Variants in FER observed in about 807,000 individuals in gnomAD.
FER encodes tyrosine-protein kinase Fer.
FER carries 63 observed loss-of-function variants against 111.0 expected under a neutral mutation model. The ratio of observed to expected loss-of-function variants is 0.57; its 90% CI spans 0.46 to 0.70. The LOEUF is 0.70. Ranked by LOEUF, FER falls within the 30% of genes least tolerant of loss-of-function variation. FER has a pLI of 0.00. For synonymous variants in FER, 327 were observed against 313.9 expected (o/e 1.04, Z -0.44); for missense variants, 914 against 954.0 (o/e 0.96, Z 0.55).
chr5:108,979,196 A>C (rs1026343389), intron 13 of FER, among the ~76,000 whole-genome samples: 1 of 152,160 alleles, frequency 6.6e-6, no homozygotes, highest in Admixed American at 6.5e-5. Flanking sequence ...TTTCCTGTAA[A>C]GTTCTTCCTG....
intron 9 of FER, among the ~76,000 whole-genome samples, chr5:108,895,390 T>A (rs1748923179): frequency 6.6e-6 from 1 of 152,150 alleles, no homozygotes; most frequent in Non-Finnish European, 1.5e-5. Context: ...GTTCTGGAGG[T>A]CACAAGTCAG....
intron 16 of FER, among the ~76,000 whole-genome samples, chr5:109,086,625 C>A (rs1027480677): frequency 6.6e-6 from 1 of 151,382 alleles, no homozygotes; most frequent in Admixed American, 6.6e-5. Flanking sequence ...AATTTTCATT[C>A]CTATCCTTTT....
At chr5:108,754,895 A>G (rs979450728) in intron 1 of FER, among the ~76,000 whole-genome samples, 1 of 152,240 alleles carries the variant, frequency 6.6e-6, no homozygotes, top group Non-Finnish European at 1.5e-5. Context: ...AATAGAGCTT[A>G]ATTTTAAATC....
intron 16 of FER, among the ~76,000 whole-genome samples, chr5:109,063,994 A>T (rs765962103): frequency 2.0e-5 from 3 of 152,176 alleles, no homozygotes; most frequent in Non-Finnish European, 4.4e-5. Flanking sequence ...GTCATTTTAC[A>T]TCATGCGTAA....
intron 10 of FER, among the ~76,000 whole-genome samples, chr5:108,944,360 C>T (rs1756692998): frequency 1.3e-5 from 2 of 151,822 alleles, no homozygotes; most frequent in Non-Finnish European, 2.9e-5. Context: ...CCCCTACTAC[C>T]TCCATTGTGA....
intron 16 of FER, among the ~76,000 whole-genome samples, chr5:109,070,929 A>G (rs911880937): frequency 6.6e-6 from 1 of 152,000 alleles, no homozygotes; most frequent in Admixed American, 6.6e-5. Context: ...TAAATGATTC[A>G]TCTATCTTTC....
chr5:108,993,154 T>G (rs1763481559), intron 13 of FER, among the ~76,000 whole-genome samples: 2 of 152,114 alleles, frequency 1.3e-5, no homozygotes, highest in African/African-American at 2.4e-5. Context: ...GGGCAGAGGC[T>G]GCAATCTCAG....
At chr5:109,090,348 G>A (rs557264489) in intron 16 of FER, among the ~76,000 whole-genome samples, 2 of 152,286 alleles carry the variant, frequency 1.3e-5, no homozygotes, top group East Asian at 1.9e-4. Flanking sequence ...ACTAAATGGT[G>A]TATATATTCC....
At chr5:109,110,369 G>A (rs924691039) in intron 17 of FER, among the ~76,000 whole-genome samples, 2 of 152,154 alleles carry the variant, frequency 1.3e-5, no homozygotes, top group African/African-American at 4.8e-5. Context: ...ACCCAAAGGA[G>A]ATAAAAGAGT....
At chr5:109,178,749 C>T (rs1757976818) in intron 17 of FER, among the ~76,000 whole-genome samples, 1 of 152,206 alleles carries the variant, frequency 6.6e-6, no homozygotes, top group Admixed American at 6.5e-5. Context: ...GTAAGTCCTA[C>T]AACTTTGTAC....
At chr5:108,902,305 G>C (rs1750150802) in intron 10 of FER, among the ~76,000 whole-genome samples, 1 of 152,200 alleles carries the variant, frequency 6.6e-6, no homozygotes, top group Non-Finnish European at 1.5e-5. Flanking sequence ...AGCAATGTTA[G>C]TCATATTTAT....
intron 13 of FER, among the ~76,000 whole-genome samples, chr5:108,969,616 T>TTTTTTTTTTTTTTTTTTTTTGA (rs1561695264): frequency 6.7e-6 from 1 of 149,050 alleles, no homozygotes; most frequent in African/African-American, 2.6e-5. Context: ...TTAATTTTTT[T>TTTTTTTTTTTTTTTTTTTTTGA]GAACACTGTG....
intron 5 of FER, among the ~76,000 whole-genome samples, chr5:108,847,037 T>G (rs1762096705): frequency 6.6e-6 from 1 of 151,686 alleles, no homozygotes; most frequent in South Asian, 2.1e-4. Flanking sequence ...TTCCTTCTGC[T>G]TGCTTTAGGC....
At chr5:108,844,814 T>C (rs1439964626) in intron 5 of FER, among the ~76,000 whole-genome samples, 1 of 151,468 alleles carries the variant, frequency 6.6e-6, no homozygotes, top group African/African-American at 2.4e-5. Context: ...TTGAAATCCA[T>C]CCATGTTGTT....
At chr5:108,819,882 A>T (rs1758665144) in intron 3 of FER, 2 of 968,798 alleles carry the variant, frequency 2.1e-6, no homozygotes, top group Admixed American at 6.3e-5. Context: ...TTGAAAAAAG[A>T]TAGATAAGGC....
chr5:109,052,517 C>G, intron 16 of FER: 1 of 759,692 alleles, frequency 1.3e-6, no homozygotes, highest in Admixed American at 2.1e-5. Flanking sequence ...TGATTGAACT[C>G]CTTGGAGGAT....
chr5:108,793,968 C>T lies in FER; in HGVS notation c.-59-4156C>T, dbSNP rs1755697238. Reference sequence around the variant, plus strand: ...CGCTTTTTAACTTATTGTTTCTATTCATAACTCATTGTACTATGTCTTGAA... The same window carrying T: ...CGCTTTTTAACTTATTGTTTCTATTTATAACTCATTGTACTATGTCTTGAA... On this transcript the variant is annotated intron_variant, in intron 2 of 19. Coordinates refer to ENST00000281092, the MANE Select transcript of FER (RefSeq NM_005246.4). 2.0e-5 allele frequency among the ~76,000 whole-genome samples: 3 copies of T among 152,080 alleles called. No homozygotes were observed. The East Asian group carries it at 5.8e-4, about 29-fold the overall frequency.
At chr5:109,111,667 A>T (rs11746665) in intron 17 of FER, among the ~76,000 whole-genome samples, 2 of 152,016 alleles carry the variant, frequency 1.3e-5, no homozygotes, top group Non-Finnish European at 1.5e-5. Context: ...GGGAGGTCTC[A>T]GGAAACTTAC....
intron 4 of FER, among the ~76,000 whole-genome samples, chr5:108,833,551 T>G (rs1699022102): frequency 6.6e-6 from 1 of 151,776 alleles, no homozygotes; most frequent in South Asian, 2.1e-4. Context: ...TATTTTAGAA[T>G]GTATAGCTAA....
Sources: gnomAD v4.1 joint callset for allele counts (sites outside exome capture counted in the v4.1 genomes callset) on GRCh38, gnomAD v4.1.1 for gene constraint, MANE v1.5 for transcripts, NCBI Gene and HGNC (gene_info 2026-07-23, HGNC 2026-07-21) for gene names.